Variants in OR51B5 observed in about 807,000 individuals in gnomAD.
The protein encoded by OR51B5 is olfactory receptor 51B5.
For synonymous variants in OR51B5, 186 were observed against 144.8 expected (o/e 1.28, Z -2.04); for missense variants, 456 against 374.6 (o/e 1.22, Z -1.79).
intron 1 of OR51B5, among the ~76,000 whole-genome samples, chr11:5,486,940 AC>A (rs1851507600): frequency 6.6e-6 from 1 of 152,108 alleles, no homozygotes. Flanking sequence ...AATAAAGGGG[AC>A]TTCCTAATTC....
chr11:5,452,290 G>A (rs1240440927), intron 1 of OR51B5, among the ~76,000 whole-genome samples: 2 of 151,906 alleles, frequency 1.3e-5, no homozygotes, highest in Non-Finnish European at 2.9e-5. Context: ...GGATCACGAG[G>A]TCAGGAGATC....
intron 1 of OR51B5, among the ~76,000 whole-genome samples, chr11:5,483,273 C>T (rs540051077): frequency 0.02 from 2,776 of 137,460 alleles, 89 homozygotes; most frequent in African/African-American, 0.066. Flanking sequence ...AACCAAACAC[C>T]GCATATTCTC....
chr11:5,377,441 G>C (rs923494217), intron 1 of OR51B5, among the ~76,000 whole-genome samples: 1 of 152,202 alleles, frequency 6.6e-6, no homozygotes, highest in Non-Finnish European at 1.5e-5. Flanking sequence ...ATTCAACATA[G>C]TGTTGGAAGT....
intron 1 of OR51B5, among the ~76,000 whole-genome samples, chr11:5,493,695 A>G (rs1173421661): frequency 6.6e-6 from 1 of 152,230 alleles, no homozygotes; most frequent in African/African-American, 2.4e-5. Flanking sequence ...GGGTAAAGTC[A>G]TATCTCTGCA....
At chr11:5,447,543 T>C (rs1304797175) in intron 1 of OR51B5, among the ~76,000 whole-genome samples, 2 of 152,198 alleles carry the variant, frequency 1.3e-5, no homozygotes, top group Admixed American at 6.5e-5. Context: ...GGATTAAATA[T>C]ATTCAGTTTT....
chr11:5,443,481 G>C (rs973501062), intron 1 of OR51B5, among the ~76,000 whole-genome samples: 2 of 151,358 alleles, frequency 1.3e-5, no homozygotes, highest in African/African-American at 4.9e-5. Context: ...GTCTCTAAGA[G>C]GTCTTTTTAG....
intron 1 of OR51B5, among the ~76,000 whole-genome samples, chr11:5,409,252 A>T (rs114386855): frequency 0.014 from 2,140 of 152,284 alleles, 45 homozygotes; most frequent in African/African-American, 0.046. Flanking sequence ...GTAAACTGAC[A>T]TCTAGAGCCA....
At chr11:5,388,454 G>C (rs1175312646) in intron 1 of OR51B5, among the ~76,000 whole-genome samples, 1 of 150,978 alleles carries the variant, frequency 6.6e-6, no homozygotes, top group Non-Finnish European at 1.5e-5. Context: ...TATATTAGTA[G>C]AAGTTAACTA....
At chr11:5,343,346 A>T (rs529250070) in exon 1 of OR51B5, 1 of 1,612,748 alleles carries the variant, frequency 6.2e-7, no homozygotes, top group East Asian at 2.2e-5. Flanking sequence ...CATGGCCAGA[A>T]AGAAGTACAT....
chr11:5,480,193 A>G (rs1851395126), intron 1 of OR51B5, among the ~76,000 whole-genome samples: 1 of 151,008 alleles, frequency 6.6e-6, no homozygotes, highest in African/African-American at 2.4e-5. Flanking sequence ...AGAACTCAGG[A>G]TTAAGAATCT....
intron 1 of OR51B5, chr11:5,389,314 A>T: frequency 7.8e-7 from 1 of 1,276,822 alleles, no homozygotes; most frequent in Non-Finnish European, 1.1e-6. Context: ...TGACCATGGT[A>T]CTGCTTGTGA....
intron 1 of OR51B5, among the ~76,000 whole-genome samples, chr11:5,504,007 A>C (rs187254789): frequency 5.9e-5 from 9 of 152,272 alleles, no homozygotes; most frequent in African/African-American, 1.2e-4. Flanking sequence ...GATACTACTA[A>C]TATCTGCGCT....
intron 1 of OR51B5, among the ~76,000 whole-genome samples, chr11:5,376,882 C>A (rs1409254726): frequency 2.7e-5 from 4 of 147,552 alleles, no homozygotes; most frequent in South Asian, 2.2e-4. Flanking sequence ...AACAGAGGTA[C>A]AAGGAGGAAT....
chr11:5,350,035 T>A (rs1402151749), intron 1 of OR51B5, among the ~76,000 whole-genome samples: 1 of 152,124 alleles, frequency 6.6e-6, no homozygotes, highest in Non-Finnish European at 1.5e-5. Flanking sequence ...AGGAAATCAT[T>A]TGACACACCT....
intron 1 of OR51B5, among the ~76,000 whole-genome samples, chr11:5,402,151 A>G (rs1309836260): frequency 6.6e-6 from 1 of 151,896 alleles, no homozygotes; most frequent in East Asian, 1.9e-4. Context: ...AGCTGGGACT[A>G]CAGGCACACT....
At chr11:5,501,990 C>A (rs531619402) in intron 1 of OR51B5, among the ~76,000 whole-genome samples, 2 of 151,068 alleles carry the variant, frequency 1.3e-5, no homozygotes, top group Non-Finnish European at 3.0e-5. Flanking sequence ...TTGTTCAACT[C>A]CCACCTGTGA....
At chr11:5,402,846 G>GTGTT (rs1323474287) in intron 1 of OR51B5, 3 of 471,660 alleles carry the variant, frequency 6.4e-6, no homozygotes, top group South Asian at 4.6e-5. Context: ...CCTGCCTACA[G>GTGTT]TGTTAGGCAT....
chr11:5,496,036 G>C (rs554694785), intron 1 of OR51B5, among the ~76,000 whole-genome samples: 1 of 151,928 alleles, frequency 6.6e-6, no homozygotes, highest in Non-Finnish European at 1.5e-5. Flanking sequence ...CAGGTACACC[G>C]GTGTGATAAG....
chr11:5,461,097 G>T (rs528986048), intron 1 of OR51B5, among the ~76,000 whole-genome samples: 1 of 152,092 alleles, frequency 6.6e-6, no homozygotes, highest in East Asian at 1.9e-4. Context: ...TGCAGCTGGG[G>T]GGCTGCGTGT....
Sources: gnomAD v4.1 joint callset for allele counts (sites outside exome capture counted in the v4.1 genomes callset) on GRCh38, gnomAD v4.1.1 for gene constraint, MANE v1.5 for transcripts, NCBI Gene and HGNC (gene_info 2026-07-23, HGNC 2026-07-21) for gene names.